The following CSRNP3 variants were observed in gnomAD, a reference collection of about 807,000 sequenced individuals.
The protein encoded by CSRNP3 is cysteine and serine rich nuclear protein 3.
In CSRNP3, 12 loss-of-function variants were observed where a neutral mutation model predicts 48.0. That is an observed-to-expected ratio of 0.25 (90% CI 0.16 to 0.41). The LOEUF (loss-of-function observed/expected upper bound fraction) is 0.41, where lower values mean the gene tolerates loss of function less well. Ranked by LOEUF, CSRNP3 falls within the 10% of genes least tolerant of loss-of-function variation. The probability of loss-of-function intolerance (pLI) is 1.00; values close to 1 mark genes in which losing one functional copy is unlikely to be tolerated. For synonymous variants in CSRNP3, 263 were observed against 269.7 expected (o/e 0.98, Z 0.24); for missense variants, 580 against 724.4 (o/e 0.80, Z 2.29).
intron 3 of CSRNP3, among the ~76,000 whole-genome samples, chr2:165,569,912 A>T (rs936958537): frequency 6.6e-6 from 1 of 151,936 alleles, no homozygotes; most frequent in Admixed American, 6.6e-5. Flanking sequence ...ATCACCTCTT[A>T]CTTCCAAAAA....
chr2:165,589,962 G>A (rs1023487280), intron 3 of CSRNP3, among the ~76,000 whole-genome samples: 1 of 152,152 alleles, frequency 6.6e-6, no homozygotes, highest in South Asian at 2.1e-4. Context: ...TTAAACATAG[G>A]TTTCCATCTT....
intron 3 of CSRNP3, among the ~76,000 whole-genome samples, chr2:165,575,115 A>T (rs567721558): frequency 6.6e-6 from 1 of 152,154 alleles, no homozygotes; most frequent in African/African-American, 2.4e-5. Flanking sequence ...TTAAGTCTGC[A>T]TTGTAAAGGG....
chr2:165,496,772 A>AC (rs1474915738), intron 2 of CSRNP3, among the ~76,000 whole-genome samples: 1 of 151,612 alleles, frequency 6.6e-6, no homozygotes, highest in East Asian at 1.9e-4. Flanking sequence ...TGTTTTCCAC[A>AC]CCCCCGTGAT....
Position 165,680,878 on chromosome 2 carries a change from T to C in CSRNP3, c.*1125T>C, listed in dbSNP as rs1687524109. 6.6e-6 allele frequency: 1 copy of C among 152,102 alleles called. No individual in the cohort carries two copies. 9.4% of individuals were successfully genotyped at this position (152,102 alleles called of 1,614,324 possible). On this transcript the variant is annotated 3_prime_UTR_variant, in exon 7 of 7. Coordinates refer to ENST00000651982, the MANE Select transcript of CSRNP3 (RefSeq NM_001172173.2). The stretch of plus-strand genomic sequence containing the variant: ...GACACGACCTCAGCAACCAGCCTTT[T>C]CTCCAGCGTGATCAATCCATCTCTA...
intron 4 of CSRNP3, among the ~76,000 whole-genome samples, chr2:165,609,962 G>A (rs941460499): frequency 6.6e-6 from 1 of 152,166 alleles, no homozygotes; most frequent in African/African-American, 2.4e-5. Flanking sequence ...ATTCTTGCTG[G>A]CATTAGTCCT....
chr2:165,616,113 T>G (rs564224903), intron 4 of CSRNP3, among the ~76,000 whole-genome samples: 18 of 152,232 alleles, frequency 1.2e-4, no homozygotes, highest in African/African-American at 3.4e-4. Flanking sequence ...GGTTTTGTGT[T>G]TTTATCCATT....
chr2:165,666,217 CAGAG>C (rs757884506), intron 5 of CSRNP3, among the ~76,000 whole-genome samples: 14 of 43,906 alleles, frequency 3.2e-4, no homozygotes, highest in Non-Finnish European at 3.6e-4. Flanking sequence ...GAAAGAAAGA[CAGAG>C]AGGAAGGAAG....
rs1684832664 is a variant in CSRNP3 at position 165,532,848 on chromosome 2, C to A, written c.-24+14887C>A. On this transcript the variant is annotated intron_variant, in intron 3 of 6. Coordinates refer to ENST00000651982, the MANE Select transcript of CSRNP3 (RefSeq NM_001172173.2). ...CCCAAAATCTCCTCAAGCTGATAAG[C>A]AACTTCAGCAAAGTCTCAGGATACA... is the stretch of plus-strand genomic sequence containing the variant. 2.6e-5 allele frequency among the ~76,000 whole-genome samples: 4 copies of A among 152,094 alleles called. No individual in the cohort carries two copies. In the South Asian group the frequency reaches 8.3e-4, roughly 32 times the overall value.
At chr2:165,475,633 G>A (rs572699506) in intron 1 of CSRNP3, among the ~76,000 whole-genome samples, 4 of 152,286 alleles carry the variant, frequency 2.6e-5, no homozygotes, top group East Asian at 1.9e-4. Context: ...TTGTTTTGCC[G>A]ATTGAATAAT....
chr2:165,554,373 C>G (rs1314703063), intron 3 of CSRNP3, among the ~76,000 whole-genome samples: 1 of 152,142 alleles, frequency 6.6e-6, no homozygotes, highest in East Asian at 1.9e-4. Context: ...TGAAATCCTT[C>G]CATGAACTTC....
At chr2:165,523,222 C>G (rs1370932839) in intron 3 of CSRNP3, among the ~76,000 whole-genome samples, 1 of 152,174 alleles carries the variant, frequency 6.6e-6, no homozygotes, top group Non-Finnish European at 1.5e-5. Context: ...GATTTTACTT[C>G]CCATCACTGA....
At chr2:165,602,228 G>A (rs1251047945) in intron 4 of CSRNP3, among the ~76,000 whole-genome samples, 1 of 152,078 alleles carries the variant, frequency 6.6e-6, no homozygotes, top group Non-Finnish European at 1.5e-5. Flanking sequence ...TTTCTAGCCT[G>A]TAATAATATG....
At chr2:165,545,495 A>T (rs185781431) in intron 3 of CSRNP3, among the ~76,000 whole-genome samples, 25 of 152,286 alleles carry the variant, frequency 1.6e-4, no homozygotes, top group Non-Finnish European at 3.2e-4. Context: ...AATTTGTAAT[A>T]TACATTGACC....
chr2:165,595,303 A>C (rs1048972926), intron 4 of CSRNP3, 90 bp downstream of exon 4: 7 of 1,248,310 alleles, frequency 5.6e-6, no homozygotes. Context: ...CATGCTAGCT[A>C]TATATATTTT....
intron 5 of CSRNP3, among the ~76,000 whole-genome samples, chr2:165,665,773 G>T (rs1451504155): frequency 8.5e-6 from 1 of 117,506 alleles, no homozygotes; most frequent in African/African-American, 3.4e-5. Flanking sequence ...GGAAAAGAAA[G>T]AAAGAGAGAG....
Position 165,622,524 on chromosome 2 carries a change from A to G in CSRNP3, c.148+27311A>G, listed in dbSNP as rs1224374794. ...CTCTCCACTTAAAACTCTAATCATAAGTAGTCTACTGCTGCTGTGAAGGCT... is the reference window on the plus strand; with the variant it reads ...CTCTCCACTTAAAACTCTAATCATAGGTAGTCTACTGCTGCTGTGAAGGCT... On this transcript the variant is annotated intron_variant, in intron 4 of 6. Transcript: ENST00000651982. Among the ~76,000 whole-genome samples the G allele has an allele frequency of 2.0e-5, 3 of 152,184 alleles. No homozygotes were observed. The South Asian group carries it at 6.2e-4, about 31-fold the overall frequency.
intron 3 of CSRNP3, among the ~76,000 whole-genome samples, chr2:165,560,894 TA>T (rs973073838): frequency 6.6e-5 from 10 of 152,298 alleles, no homozygotes; most frequent in South Asian, 4.1e-4. Flanking sequence ...TTTGTTTCAC[TA>T]GTGTTCATGA....
intron 3 of CSRNP3, among the ~76,000 whole-genome samples, chr2:165,542,792 C>G (rs1183073892): frequency 6.6e-6 from 1 of 152,014 alleles, no homozygotes; most frequent in Non-Finnish European, 1.5e-5. Context: ...ATTCTACTTG[C>G]AAGTTATCAT....
rs759478711 is a variant in CSRNP3, at chr2:165,679,191, C to A, written c.1196C>A (p.Thr399Asn). 1.1e-5 allele frequency: 18 copies of A among 1,613,830 alleles called. No homozygotes were observed. The South Asian group carries it at 1.8e-4, about 16-fold the overall frequency. Residue 399 changes from threonine to asparagine, a missense_variant, in exon 7 of 7, where the codon ACC becomes AAC. Transcript: ENST00000651982. ...KGDGFVEGLG[T>N]HAEVVPLPSV... ...GATGGCTTCGTGGAAGGTTTGGGCACCCATGCCGAAGTTGTCCCTCTTCCT... is the reference window on the plus strand; with the variant it reads ...GATGGCTTCGTGGAAGGTTTGGGCAACCATGCCGAAGTTGTCCCTCTTCCT...
Sources: gnomAD v4.1 joint callset for allele counts (sites outside exome capture counted in the v4.1 genomes callset) on GRCh38, gnomAD v4.1.1 for gene constraint, MANE v1.5 for transcripts, NCBI Gene and HGNC (gene_info 2026-07-23, HGNC 2026-07-21) for gene names.